The following ATP6V0D2 variants were observed in gnomAD, a reference collection of about 807,000 sequenced individuals.
The protein encoded by ATP6V0D2 is V-type proton ATPase subunit d 2.
A neutral mutation model predicts 40.0 loss-of-function variants in ATP6V0D2; 40 were observed. The observed-to-expected ratio is 1.00, with a 90% CI of 0.78 to 1.30. ATP6V0D2 has a LOEUF of 1.30. Ranked by LOEUF, ATP6V0D2 falls within the 50% of genes most tolerant of loss-of-function variation. The pLI is 0.00. For synonymous variants in ATP6V0D2, 179 were observed against 156.3 expected (o/e 1.15, Z -1.08); for missense variants, 470 against 423.1 (o/e 1.11, Z -0.97).
At chr8:86,142,117 C>A (rs1359052811) in intron 4 of ATP6V0D2, among the ~76,000 whole-genome samples, 3 of 152,196 alleles carry the variant, frequency 2.0e-5, no homozygotes, top group African/African-American at 2.4e-5. Context: ...ATAACCATAG[C>A]CTCTTTGGAC....
intron 2 of ATP6V0D2, among the ~76,000 whole-genome samples, chr8:86,138,466 A>G (rs1818926451): frequency 6.6e-6 from 1 of 152,088 alleles, no homozygotes; most frequent in Non-Finnish European, 1.5e-5. Context: ...TCTCAACCTC[A>G]TTGCTTGTAA....
chr8:86,132,890 G>A (rs1215923565), intron 2 of ATP6V0D2, among the ~76,000 whole-genome samples: 1 of 152,086 alleles, frequency 6.6e-6, no homozygotes, highest in Admixed American at 6.6e-5. Flanking sequence ...TTAGTTTTTT[G>A]AGGTATCTTC....
chr8:86,102,661 T>G (rs1818418313), intron 1 of ATP6V0D2, among the ~76,000 whole-genome samples: 1 of 152,236 alleles, frequency 6.6e-6, no homozygotes, highest in Non-Finnish European at 1.5e-5. Flanking sequence ...GTGTTAGTAT[T>G]CATAATTGTG....
rs1422148377 is a variant in ATP6V0D2 at position 86,099,051 on chromosome 8, G to A, written c.73G>A (p.Ala25Thr). 3.1e-6 allele frequency: 5 copies of A among 1,613,828 alleles called. No homozygotes were observed. The highest frequency in any genetic ancestry group is 4.5e-5 in the East Asian group (2 of 44,848). Residue 25 changes from alanine (A) to threonine (T), a missense_variant, in exon 1 of 8, where the codon GCC becomes ACC. Physicochemically the swap from Ala to Thr is moderately conservative, Grantham distance 58 (BLOSUM62 0). Transcript: ENST00000285393. The stretch of plus-strand genomic sequence containing the variant: ...GGAGGGCCTGGTTCGAGGATGCAAG[G>A]CCAGCCTCCTGACCCAGCAAGACTA... ...YLEGLVRGCKASLLTQQDYIN... is the reference protein window; with the variant it reads ...YLEGLVRGCKTSLLTQQDYIN...
At chr8:86,149,066 A>AAG (rs1227078770) in intron 5 of ATP6V0D2, among the ~76,000 whole-genome samples, 3 of 149,762 alleles carry the variant, frequency 2.0e-5, no homozygotes, top group Admixed American at 6.7e-5. Context: ...AAAAAAAAAA[A>AAG]AAAAAAAAAC....
intron 1 of ATP6V0D2, among the ~76,000 whole-genome samples, chr8:86,113,352 C>A (rs7845605): frequency 0.47 from 71,184 of 151,280 alleles, 17,812 homozygotes; most frequent in Non-Finnish European, 0.56. Flanking sequence ...TATAGTGGCA[C>A]ACGCCTGTGG....
rs1819188055 is a variant in ATP6V0D2, at chr8:86,153,622, G to A, written c.*645G>A. 6.6e-6 allele frequency: 1 copy of A among 152,280 alleles called. No homozygotes were observed. Among genetic ancestry groups the A allele is most frequent in the Non-Finnish European group, 1.5e-5 (1 of 68,130 alleles). 9.4% of individuals were successfully genotyped at this position (152,280 alleles called of 1,614,324 possible). Reference sequence around the variant, plus strand: ...CCACAGTCCCCCTTGGCCTCCCAAAGTGTTGGGATTACATGCATGAGCCAC... The same window carrying A: ...CCACAGTCCCCCTTGGCCTCCCAAAATGTTGGGATTACATGCATGAGCCAC... On this transcript the variant is annotated 3_prime_UTR_variant, in exon 8 of 8. Transcript: ENST00000285393.
intron 2 of ATP6V0D2, among the ~76,000 whole-genome samples, chr8:86,129,848 A>G (rs1193349507): frequency 6.6e-6 from 1 of 151,014 alleles, no homozygotes; most frequent in African/African-American, 2.4e-5. Context: ...ATGATGGTGC[A>G]TGCCTGTAGC....
chr8:86,112,875 C>T (rs570270988), intron 1 of ATP6V0D2, among the ~76,000 whole-genome samples: 1 of 152,248 alleles, frequency 6.6e-6, no homozygotes, highest in East Asian at 1.9e-4. Flanking sequence ...GACTAATCGC[C>T]TACTTCAGTC....
chr8:86,101,327 G>A (rs1467849158), intron 1 of ATP6V0D2, among the ~76,000 whole-genome samples: 1 of 151,718 alleles, frequency 6.6e-6, no homozygotes, highest in Admixed American at 6.6e-5. Flanking sequence ...GGGCATGGTG[G>A]TGCATGCCTG....
At chr8:86,114,319 T>A (rs1218275546) in intron 2 of ATP6V0D2, among the ~76,000 whole-genome samples, 1 of 152,196 alleles carries the variant, frequency 6.6e-6, no homozygotes, top group African/African-American at 2.4e-5. Context: ...GTTATATATG[T>A]TTTATTTTTA....
At chr8:86,138,054 T>G (rs748482670) in intron 2 of ATP6V0D2, among the ~76,000 whole-genome samples, 18 of 152,182 alleles carry the variant, frequency 1.2e-4, no homozygotes, top group Non-Finnish European at 2.2e-4. Context: ...CCCTTAACAT[T>G]CAAGTTCCTC....
chr8:86,106,539 C>A (rs1336093929), intron 1 of ATP6V0D2, among the ~76,000 whole-genome samples: 1 of 152,126 alleles, frequency 6.6e-6, no homozygotes, highest in Non-Finnish European at 1.5e-5. Flanking sequence ...AACAATACAC[C>A]CCTGCACTGT....
chr8:86,099,923 G>A (rs1271422544), intron 1 of ATP6V0D2, among the ~76,000 whole-genome samples: 1 of 151,918 alleles, frequency 6.6e-6, no homozygotes, highest in African/African-American at 2.4e-5. Context: ...ACTGCCAAGG[G>A]ATCTATGACA....
At chr8:86,116,155 G>T (rs1818589418) in intron 2 of ATP6V0D2, among the ~76,000 whole-genome samples, 1 of 152,150 alleles carries the variant, frequency 6.6e-6, no homozygotes, top group South Asian at 2.1e-4. Context: ...ATATCACTCT[G>T]TGTCTACATT....
At chr8:86,129,239 T>C (rs1713097315) in intron 2 of ATP6V0D2, among the ~76,000 whole-genome samples, 1 of 152,250 alleles carries the variant, frequency 6.6e-6, no homozygotes, top group African/African-American at 2.4e-5. Context: ...TTTATCTGTT[T>C]CAAAGCCTGG....
rs574732858 is a variant in ATP6V0D2, at chr8:86,129,740, T to A, written c.303-9717T>A. ...ATTGCTTGAACCCAGGAGGCAGAGG[T>A]TGCAGTGAGCCGAGATCGTGCCACT... On this transcript the variant is annotated intron_variant, in intron 2 of 7. Transcript: ENST00000285393. 2.9e-3 allele frequency among the ~76,000 whole-genome samples: 441 copies of A among 151,082 alleles called. 3 individuals are homozygous for A. Among genetic ancestry groups the A allele is most frequent in the African/African-American group, 0.01 (421 of 41,170 alleles).
chr8:86,140,297 T>C (rs1375941520), intron 3 of ATP6V0D2, among the ~76,000 whole-genome samples: 1 of 152,164 alleles, frequency 6.6e-6, no homozygotes, highest in Non-Finnish European at 1.5e-5. Context: ...TTTGTCAAAA[T>C]AGTTGCTGTT....
At chr8:86,111,186 CT>C (rs113457318) in intron 1 of ATP6V0D2, among the ~76,000 whole-genome samples, 6,001 of 139,030 alleles carry the variant, frequency 0.043, 389 homozygotes, top group African/African-American at 0.14. Flanking sequence ...TTTTTTCTTT[CT>C]TTTTTTTTTT....
Sources: allele counts gnomAD v4.1 joint callset (sites outside exome capture counted in the v4.1 genomes callset), GRCh38; gene constraint gnomAD v4.1.1; transcripts MANE v1.5; gene names NCBI Gene and HGNC (gene_info 2026-07-23, HGNC 2026-07-21).